VPS13B: variants seen among roughly 807,000 people sequenced by gnomAD.
VPS13B encodes vacuolar protein sorting 13 homolog B, also known as intermembrane lipid transfer protein VPS13B.
VPS13B carries 285 observed loss-of-function variants against 426.4 expected under a neutral mutation model. That is an observed-to-expected ratio of 0.67 (90% CI 0.61 to 0.74). The LOEUF is 0.74. Ranked by LOEUF, VPS13B falls within the 30% of genes least tolerant of loss-of-function variation. VPS13B has a pLI of 0.00. For synonymous variants in VPS13B, 1,676 were observed against 1,676.4 expected (o/e 1.00, Z 0.01); for missense variants, 4,537 against 4,782.6 (o/e 0.95, Z 1.51).
At chr8:99,669,212 T>C (rs755229175) in intron 35 of VPS13B, among the ~76,000 whole-genome samples, 4 of 152,178 alleles carry the variant, frequency 2.6e-5, no homozygotes, top group Non-Finnish European at 4.4e-5. Context: ...TGTGCCCACT[T>C]GATCCCATTT....
At chr8:99,021,787 A>G (rs1841906507) in intron 2 of VPS13B, among the ~76,000 whole-genome samples, 1 of 152,092 alleles carries the variant, frequency 6.6e-6, no homozygotes, top group East Asian at 1.9e-4. Context: ...TAATTTTTAT[A>G]CTTTTTGTAG....
intron 3 of VPS13B, among the ~76,000 whole-genome samples, chr8:99,063,068 A>G (rs1668703150): frequency 2.0e-5 from 3 of 152,194 alleles, no homozygotes; most frequent in Admixed American, 2.0e-4. Flanking sequence ...GAATTATTGT[A>G]ATCTGAACAC....
At chr8:99,744,203 A>C (rs1190199172) in intron 39 of VPS13B, among the ~76,000 whole-genome samples, 1 of 152,204 alleles carries the variant, frequency 6.6e-6, no homozygotes, top group Non-Finnish European at 1.5e-5. Flanking sequence ...ATGCAGCCAA[A>C]AGACACATGA....
chr8:99,664,469 AC>A (rs939992417), intron 35 of VPS13B, among the ~76,000 whole-genome samples: 11 of 150,074 alleles, frequency 7.3e-5, no homozygotes, highest in Admixed American at 7.3e-4. Context: ...CCTCCCCCTG[AC>A]CCCCACCCCA....
chr8:99,186,882 A>G (rs1813247390), intron 16 of VPS13B, among the ~76,000 whole-genome samples: 1 of 152,122 alleles, frequency 6.6e-6, no homozygotes, highest in African/African-American at 2.4e-5. Flanking sequence ...CTGAATTTGC[A>G]TGTGTTTAAG....
At chr8:99,250,664 CTTTTTTTTTTTTTTT>C (rs60698750) in intron 17 of VPS13B, among the ~76,000 whole-genome samples, 33 of 35,800 alleles carry the variant, frequency 9.2e-4, no homozygotes, top group African/African-American at 3.1e-3. Flanking sequence ...TGTGTTTATT[CTTTTTTTTTTTTTTT>C]TTTTTTTTTT....
chr8:99,413,843 C>T (rs1815832910), intron 21 of VPS13B, among the ~76,000 whole-genome samples: 1 of 151,904 alleles, frequency 6.6e-6, no homozygotes, highest in Non-Finnish European at 1.5e-5. Flanking sequence ...TGTTTTACAC[C>T]CAGTTATGTG....
At chr8:99,054,415 T>C (rs1843725562) in intron 3 of VPS13B, among the ~76,000 whole-genome samples, 2 of 152,266 alleles carry the variant, frequency 1.3e-5, no homozygotes, top group African/African-American at 2.4e-5. Context: ...TTTGTCTTTT[T>C]GTTTGAGTTT....
At chr8:99,383,820 T>G (rs749273914) in intron 19 of VPS13B, among the ~76,000 whole-genome samples, 1 of 152,240 alleles carries the variant, frequency 6.6e-6, no homozygotes, top group Non-Finnish European at 1.5e-5. Context: ...GGATAAATAC[T>G]TTTCCATTGT....
chr8:99,528,659 A>G (rs551700382), intron 30 of VPS13B, among the ~76,000 whole-genome samples: 2 of 152,258 alleles, frequency 1.3e-5, no homozygotes, highest in Admixed American at 6.5e-5. Context: ...CATTTTTATC[A>G]TTAAGTATCC....
chr8:99,854,029 T>C lies in VPS13B; in HGVS notation c.10640T>C (p.Val3547Ala), dbSNP rs753010874. 2 of 1,614,052 alleles carry C rather than the reference T, an allele frequency of 1.2e-6. No homozygotes were observed. Among genetic ancestry groups the C allele is most frequent in the South Asian group, 2.2e-5 (2 of 91,084 alleles). ...SGGKQVLPMQ[V>A]TQHARALVNP... ...GGTAAACAGGTGTTGCCCATGCAGG[T>C]CACACAGCACGCCAGGGCCTTGGTG... The change falls in exon 56 of 62, where the codon GTC (valine) becomes GCC (alanine). Residue 3547 changes from valine (V) to alanine (A), a missense_variant. This residue lies in a region of VPS13B where 4,311 missense variants were observed against 4,474.3 expected (regional missense o/e 0.96). Transcript: ENST00000357162.
In VPS13B at chr8:99,642,012, A is replaced by C. The variant is rs891967669; in HGVS notation, c.5422A>C (p.Asn1808His). 6.2e-6 allele frequency: 10 copies of C among 1,613,982 alleles called. No individual in the cohort carries two copies. The Admixed American group carries it at 1.3e-4, about 22-fold the overall frequency. ...SRQSSIVKNL[N>H]FIPFDIFITA... The stretch of plus-strand genomic sequence containing the variant: ...CCAGTCATCAATTGTAAAAAATCTA[A>C]ATTTTATTCCCTTTGACATATTTAT... The change falls in exon 34 of 62, where the codon AAT becomes CAT. Residue 1808 changes from asparagine to histidine, a missense_variant. Coordinates refer to ENST00000357162, the MANE Select transcript of VPS13B (RefSeq NM_152564.5).
intron 3 of VPS13B, among the ~76,000 whole-genome samples, chr8:99,062,156 A>G (rs923853147): frequency 1.2e-4 from 18 of 152,220 alleles, no homozygotes; most frequent in African/African-American, 4.3e-4. Context: ...TCAGTATCTT[A>G]TTTAGTAAAA....
chr8:99,265,449 G>A (rs888112480), intron 17 of VPS13B, among the ~76,000 whole-genome samples: 2 of 152,122 alleles, frequency 1.3e-5, no homozygotes, highest in South Asian at 2.1e-4. Context: ...TAAAGGAAGG[G>A]TAGATCTCAT....
At chr8:99,524,226 C>G (rs181238277) in intron 30 of VPS13B, among the ~76,000 whole-genome samples, 41 of 152,154 alleles carry the variant, frequency 2.7e-4, no homozygotes, top group African/African-American at 9.4e-4. Flanking sequence ...AGTACACCTA[C>G]AAGGTCTATA....
chr8:99,698,898 A>G (rs1832147585), intron 35 of VPS13B, among the ~76,000 whole-genome samples: 1 of 152,224 alleles, frequency 6.6e-6, no homozygotes, highest in Non-Finnish European at 1.5e-5. Context: ...AAAATGGACT[A>G]CAGATTTAAA....
Position 99,520,959 on chromosome 8 carries a change from C to A in VPS13B, c.4694C>A (p.Pro1565His). 6.2e-7 allele frequency: 1 copy of A among 1,613,758 alleles called. No homozygotes were observed. The highest frequency in any genetic ancestry group is 8.5e-7 in the Non-Finnish European group (1 of 1,179,734). Residue 1565 changes from proline (P) to histidine (H), a missense_variant, in exon 30 of 62, where the codon CCC becomes CAC. Pro to His is a moderately conservative substitution (Grantham distance 77). Around this residue, in one of 2 missense-constraint regions of VPS13B, gnomAD observed 4,311 missense variants for 4,474.3 expected, o/e 0.96. Transcript: ENST00000357162. ...VLKIGSVAMAPQADNPLGRSV... is the reference protein window; with the variant it reads ...VLKIGSVAMAHQADNPLGRSV... The stretch of plus-strand genomic sequence containing the variant: ...AAGATTGGCTCTGTTGCCATGGCTC[C>A]CCAGGCTGACAATCCCCTTGGCAGA...
At chr8:99,710,657 A>T (rs1726280543) in intron 36 of VPS13B, among the ~76,000 whole-genome samples, 1 of 151,902 alleles carries the variant, frequency 6.6e-6, no homozygotes, top group Admixed American at 6.6e-5. Flanking sequence ...CCTGTAAGTG[A>T]CCCTTTGTGA....
At chr8:99,434,381 T>G (rs1817269212) in intron 22 of VPS13B, among the ~76,000 whole-genome samples, 2 of 152,158 alleles carry the variant, frequency 1.3e-5, no homozygotes, top group African/African-American at 4.8e-5. Context: ...TTGCGGCTTT[T>G]TGAGACCATA....
Sources: allele counts gnomAD v4.1 joint callset (sites outside exome capture counted in the v4.1 genomes callset), GRCh38; gene constraint gnomAD v4.1.1; regional missense constraint gnomAD v4.1.1; transcripts MANE v1.5; gene names NCBI Gene and HGNC (gene_info 2026-07-23, HGNC 2026-07-21).